The following PPM1D variants were observed in gnomAD, a reference collection of about 807,000 sequenced individuals.
PPM1D encodes the protein protein phosphatase, Mg2+/Mn2+ dependent 1D.
PPM1D carries 52 observed loss-of-function variants against 58.3 expected under a neutral mutation model. That is an observed-to-expected ratio of 0.89 (90% CI 0.71 to 1.12). The LOEUF (loss-of-function observed/expected upper bound fraction) is 1.12. Ranked by LOEUF, PPM1D falls within the 50% of genes most tolerant of loss-of-function variation. The pLI, the probability that PPM1D is intolerant of heterozygous loss-of-function variation, is 0.00. For missense variants in PPM1D, 564 were observed against 777.2 expected, an observed-to-expected ratio of 0.73 and a Z score of 3.26; for synonymous variants, 278 against 285.1, an observed-to-expected ratio of 0.98 and a Z score of 0.25.
At chr17:60,607,357 A>C (rs2143622343) in intron 1 of PPM1D, among the ~76,000 whole-genome samples, 1 of 152,106 alleles carries the variant, frequency 6.6e-6, no homozygotes, top group Admixed American at 6.5e-5. Flanking sequence ...ATCTCAGCTC[A>C]CTGCAACCTC....
In PPM1D at chr17:60,664,456, A is replaced by G. The variant is rs2031584354; in HGVS notation, c.*904A>G. ...GATTATATGGGTATATATTCATCTA[A>G]TAAATCAGTGAACTGTTCCTCATGT... On this transcript the variant is annotated 3_prime_UTR_variant, in exon 6 of 6. Coordinates refer to ENST00000305921, the MANE Select transcript of PPM1D (RefSeq NM_003620.4). 1 of 152,468 alleles carries G rather than the reference A, an allele frequency of 6.6e-6. No individual in the cohort carries two copies. Among genetic ancestry groups the G allele is most frequent in the South Asian group, 2.1e-4 (1 of 4,836 alleles). The allele number at this position is 152,468 out of a possible 1,614,324, so 9.4% of individuals were successfully genotyped here.
chr17:60,621,441 C>G (rs1263328950), intron 1 of PPM1D, among the ~76,000 whole-genome samples: 3 of 152,082 alleles, frequency 2.0e-5, no homozygotes, highest in African/African-American at 7.2e-5. Flanking sequence ...GTTGGCCAGG[C>G]TGGAGTGCAG....
chr17:60,608,216 T>A (rs866190312), intron 1 of PPM1D, among the ~76,000 whole-genome samples: 14 of 152,384 alleles, frequency 9.2e-5, no homozygotes, highest in Middle Eastern at 3.4e-3. Flanking sequence ...CCAGAATTGA[T>A]ATCACTTAGA....
At chr17:60,642,710 G>A (rs1158082147) in intron 3 of PPM1D, among the ~76,000 whole-genome samples, 3 of 152,114 alleles carry the variant, frequency 2.0e-5, no homozygotes, top group Admixed American at 6.5e-5. Context: ...ACCAGCCTGG[G>A]CCTCCCAAAG....
At chr17:60,639,748 T>G (rs1428763472) in intron 3 of PPM1D, among the ~76,000 whole-genome samples, 1 of 151,846 alleles carries the variant, frequency 6.6e-6, no homozygotes, top group East Asian at 1.9e-4. Flanking sequence ...AATTCTTAAC[T>G]TCTTATATGT....
intron 4 of PPM1D, among the ~76,000 whole-genome samples, chr17:60,654,870 A>C (rs1461298798): frequency 6.8e-6 from 1 of 147,338 alleles, no homozygotes; most frequent in Admixed American, 6.8e-5. Flanking sequence ...CTCCATCTCA[A>C]AAAAAAAAAA....
chr17:60,615,334 G>A (rs1006627686), intron 1 of PPM1D, among the ~76,000 whole-genome samples: 2 of 151,982 alleles, frequency 1.3e-5, no homozygotes, highest in Admixed American at 1.3e-4. Flanking sequence ...CGCTTGAGCC[G>A]AGGAGGCAGA....
chr17:60,616,033 A>T (rs1391706305), intron 1 of PPM1D, among the ~76,000 whole-genome samples: 1 of 151,898 alleles, frequency 6.6e-6, no homozygotes. Context: ...TTGGAGGCAG[A>T]GTCTTGCTGT....
intron 2 of PPM1D, among the ~76,000 whole-genome samples, chr17:60,632,600 C>T (rs780411859): frequency 2.6e-4 from 40 of 152,042 alleles, no homozygotes; most frequent in Non-Finnish European, 4.7e-4. Flanking sequence ...TGGCTCACAC[C>T]TGTAATCCCA....
chr17:60,643,886 T>G (rs1298430823), intron 3 of PPM1D, among the ~76,000 whole-genome samples: 6 of 137,322 alleles, frequency 4.4e-5, no homozygotes, highest in African/African-American at 1.6e-4. Flanking sequence ...TTCTTTTCTT[T>G]TTTTTTTTTT....
chr17:60,659,932 CTGGG>C (rs1214114144), intron 5 of PPM1D, among the ~76,000 whole-genome samples: 48 of 152,348 alleles, frequency 3.2e-4, no homozygotes, highest in South Asian at 1.0e-3. Context: ...TGCATTTAGG[CTGGG>C]TGTGGTGGCT....
chr17:60,629,246 A>G (rs1005100851), intron 2 of PPM1D, among the ~76,000 whole-genome samples: 1 of 152,218 alleles, frequency 6.6e-6, no homozygotes, highest in Non-Finnish European at 1.5e-5. Flanking sequence ...GCTTCCTTGT[A>G]TGCATGCAGT....
At chr17:60,606,977 GC>G (rs1323949676) in intron 1 of PPM1D, among the ~76,000 whole-genome samples, 1 of 151,338 alleles carries the variant, frequency 6.6e-6, no homozygotes, top group African/African-American at 2.4e-5. Flanking sequence ...ACAGGCATGC[GC>G]CCAGCTAATT....
intron 3 of PPM1D, among the ~76,000 whole-genome samples, chr17:60,643,883 CTTTTTTTTTT>C (rs71148308): frequency 1.0e-5 from 1 of 97,750 alleles, no homozygotes; most frequent in Non-Finnish European, 1.9e-5. Flanking sequence ...CTTTTCTTTT[CTTTTTTTTTT>C]TTTTTTTTTT....
At chr17:60,622,872 G>GGGGT (rs1375712329) in intron 1 of PPM1D, among the ~76,000 whole-genome samples, 1 of 152,194 alleles carries the variant, frequency 6.6e-6, no homozygotes, top group Admixed American at 6.5e-5. Context: ...CGAAGCGGGT[G>GGGGT]GATCACCCAA....
chr17:60,622,711 C>T (rs1405863184), intron 1 of PPM1D, among the ~76,000 whole-genome samples: 1 of 152,160 alleles, frequency 6.6e-6, no homozygotes, highest in African/African-American at 2.4e-5. Context: ...TGAGATAATA[C>T]ATGTAAAGCT....
At chr17:60,600,949 C>G (rs1188042037) in intron 1 of PPM1D, 63 bp downstream of exon 1, 16 of 1,600,944 alleles carry the variant, frequency 1.0e-5, no homozygotes, top group African/African-American at 2.7e-5. Context: ...TTTTATGGCA[C>G]CAGCCCCGCG....
chr17:60,650,681 A>T (rs945734960), intron 4 of PPM1D, among the ~76,000 whole-genome samples: 1 of 152,246 alleles, frequency 6.6e-6, no homozygotes, highest in African/African-American at 2.4e-5. Flanking sequence ...GTAAGCTGTT[A>T]TAAAGAAGAG....
rs1353589281 is a variant in PPM1D at position 60,600,296 on chromosome 17, C to T, written c.-119C>T. On this transcript the variant is annotated 5_prime_UTR_variant, in exon 1 of 6. Transcript: ENST00000305921. ...CGCCCCCCCTTCTCCGGGTCCGCCC[C>T]CTCCCCCTTCTCGGCGTCGTCGAAG... 6 of 1,455,100 alleles carry T rather than the reference C, an allele frequency of 4.1e-6. No individual in the cohort carries two copies. Among genetic ancestry groups the T allele is most frequent in the Admixed American group, 5.2e-5 (2 of 38,506 alleles). The allele number at this position is 1,455,100 out of a possible 1,614,324, so 90.1% of individuals were successfully genotyped here.
Sources: gnomAD v4.1 joint callset for allele counts (sites outside exome capture counted in the v4.1 genomes callset) on GRCh38, gnomAD v4.1.1 for gene constraint, MANE v1.5 for transcripts, NCBI Gene and HGNC (gene_info 2026-07-23, HGNC 2026-07-21) for gene names.